The following CADPS2 variants were observed in gnomAD, a reference collection of about 807,000 sequenced individuals.
CADPS2 encodes calcium dependent secretion activator 2.
In CADPS2, 93 loss-of-function variants were observed where a neutral mutation model predicts 172.5. The ratio of observed to expected loss-of-function variants is 0.54; its 90% CI spans 0.46 to 0.64. The LOEUF is 0.64. Ranked by LOEUF, CADPS2 falls within the 30% of genes least tolerant of loss-of-function variation. The pLI, the probability that CADPS2 is intolerant of heterozygous loss-of-function variation, is 0.00. For missense variants in CADPS2, 1,420 were observed against 1,565.9 expected, an observed-to-expected ratio of 0.91 and a Z score of 1.57; for synonymous variants, 546 against 555.2, an observed-to-expected ratio of 0.98 and a Z score of 0.23.
chr7:122,387,298 G>T, intron 23 of CADPS2, 125 bp from the exon 24 acceptor site: 2 of 909,984 alleles, frequency 2.2e-6, no homozygotes, highest in Non-Finnish European at 3.3e-6. Context: ...AAGCAGTGTG[G>T]CAGTGCTTGG....
intron 6 of CADPS2, among the ~76,000 whole-genome samples, chr7:122,612,658 C>T (rs537359590): frequency 6.6e-6 from 1 of 152,120 alleles, no homozygotes; most frequent in African/African-American, 2.4e-5. Context: ...GGAATCTCAG[C>T]TGGTAATCTT....
At chr7:122,335,680 T>A (rs1361159289) in intron 28 of CADPS2, among the ~76,000 whole-genome samples, 1 of 152,160 alleles carries the variant, frequency 6.6e-6, no homozygotes, top group East Asian at 1.9e-4. Context: ...CTGCATCCTA[T>A]CCTTGACTCT....
chr7:122,573,661 T>C (rs1244639667), intron 7 of CADPS2, among the ~76,000 whole-genome samples: 1 of 152,174 alleles, frequency 6.6e-6, no homozygotes, highest in Non-Finnish European at 1.5e-5. Flanking sequence ...AAATGTACTT[T>C]GTACTCAAGA....
chr7:122,843,044 T>C (rs17145002), intron 1 of CADPS2, among the ~76,000 whole-genome samples: 1,686 of 152,256 alleles, frequency 0.011, 29 homozygotes, highest in African/African-American at 0.039. Context: ...AGGGAAAAAA[T>C]GCTTTAATCT....
At chr7:122,647,171 T>C (rs1294685598) in intron 3 of CADPS2, among the ~76,000 whole-genome samples, 4 of 152,156 alleles carry the variant, frequency 2.6e-5, no homozygotes, top group Non-Finnish European at 5.9e-5. Flanking sequence ...CAGGGGGCAG[T>C]GGTATTCACA....
intron 6 of CADPS2, among the ~76,000 whole-genome samples, chr7:122,595,970 T>C (rs185471124): frequency 9.1e-4 from 139 of 152,170 alleles, no homozygotes; most frequent in African/African-American, 3.3e-3. Flanking sequence ...AGAGGAATAC[T>C]AGCACTGCGG....
chr7:122,714,193 G>C (rs1299173241), intron 2 of CADPS2, among the ~76,000 whole-genome samples: 4 of 151,928 alleles, frequency 2.6e-5, no homozygotes, highest in Non-Finnish European at 5.9e-5. Flanking sequence ...CTATTTATTT[G>C]GTAAGGTTAT....
intron 28 of CADPS2, among the ~76,000 whole-genome samples, chr7:122,336,531 C>A (rs1191887834): frequency 6.6e-6 from 1 of 152,116 alleles, no homozygotes; most frequent in Non-Finnish European, 1.5e-5. Context: ...AATTTCTAGA[C>A]CATCTTAAAG....
At chr7:122,344,432 T>C (rs28626173) in intron 28 of CADPS2, among the ~76,000 whole-genome samples, 2,659 of 152,280 alleles carry the variant, frequency 0.017, 80 homozygotes, top group African/African-American at 0.061. Flanking sequence ...GCTCTGTTAG[T>C]CTCCTTTACA....
At chr7:122,594,911 A>G (rs1022352483) in intron 6 of CADPS2, among the ~76,000 whole-genome samples, 1 of 151,984 alleles carries the variant, frequency 6.6e-6, no homozygotes, top group African/African-American at 2.4e-5. Flanking sequence ...TAAGTAATTG[A>G]TGTATAACTT....
chr7:122,787,551 T>C (rs1354945312), intron 1 of CADPS2, among the ~76,000 whole-genome samples: 2 of 152,342 alleles, frequency 1.3e-5, no homozygotes, highest in East Asian at 3.9e-4. Flanking sequence ...TTTACTCTAA[T>C]ACTACAGTAC....
At chr7:122,678,781 C>G (rs1163411380) in intron 2 of CADPS2, among the ~76,000 whole-genome samples, 2 of 152,136 alleles carry the variant, frequency 1.3e-5, no homozygotes, top group Non-Finnish European at 2.9e-5. Context: ...GACTACTGAA[C>G]AGTAAGGGGT....
chr7:122,616,184 A>G (rs1407832611), intron 5 of CADPS2, among the ~76,000 whole-genome samples: 1 of 152,122 alleles, frequency 6.6e-6, no homozygotes, highest in Non-Finnish European at 1.5e-5. Context: ...TTTAATTTAT[A>G]AAATAGATTA....
At chr7:122,845,325 T>A (rs1263361587) in intron 1 of CADPS2, among the ~76,000 whole-genome samples, 1 of 152,132 alleles carries the variant, frequency 6.6e-6, no homozygotes, top group Non-Finnish European at 1.5e-5. Flanking sequence ...GCTTCTTGCC[T>A]AGCATGAGAT....
intron 1 of CADPS2, among the ~76,000 whole-genome samples, chr7:122,774,237 A>C (rs1305621344): frequency 6.7e-6 from 1 of 150,166 alleles, no homozygotes; most frequent in African/African-American, 2.5e-5. Context: ...TCTCTTCAAC[A>C]ACAAATATAT....
intron 2 of CADPS2, among the ~76,000 whole-genome samples, chr7:122,722,797 A>C (rs1018560404): frequency 5.3e-5 from 8 of 151,640 alleles, no homozygotes; most frequent in South Asian, 2.1e-4. Flanking sequence ...AGGCTACAGT[A>C]ACCAAAACAG....
chr7:122,677,826 C>T (rs2082546165), intron 2 of CADPS2, among the ~76,000 whole-genome samples: 1 of 152,152 alleles, frequency 6.6e-6, no homozygotes, highest in African/African-American at 2.4e-5. Context: ...TTCGGCTGAG[C>T]TGGAAGGGCC....
chr7:122,677,182 T>C (rs1297192385), intron 2 of CADPS2, among the ~76,000 whole-genome samples: 1 of 152,212 alleles, frequency 6.6e-6, no homozygotes, highest in Non-Finnish European at 1.5e-5. Context: ...TACAAACCAA[T>C]ATGCCTGTGG....
At chr7:122,655,309 C>G (rs1242407096) in intron 3 of CADPS2, among the ~76,000 whole-genome samples, 8 of 152,128 alleles carry the variant, frequency 5.3e-5, no homozygotes, top group Admixed American at 5.2e-4. Context: ...GTATCACATA[C>G]TATTCAGAAA....
Sources: gnomAD v4.1 joint callset for allele counts (sites outside exome capture counted in the v4.1 genomes callset) on GRCh38, gnomAD v4.1.1 for gene constraint, MANE v1.5 for transcripts, NCBI Gene and HGNC (gene_info 2026-07-23, HGNC 2026-07-21) for gene names.